PCDH15: variants seen among roughly 807,000 people sequenced by gnomAD.
PCDH15 encodes the protein protocadherin related 15.
Under a neutral mutation model 178.5 loss-of-function variants are expected in PCDH15, and 129 were observed. The ratio of observed to expected loss-of-function variants is 0.72; its 90% CI spans 0.63 to 0.84. The LOEUF is 0.84. Among genes scored for constraint, PCDH15 ranks in the 40% least tolerant of loss-of-function variants. The pLI is 0.00. For missense variants in PCDH15, 2,230 were observed against 2,099.9 expected, an observed-to-expected ratio of 1.06 and a Z score of -1.21; for synonymous variants, 800 against 732.0, an observed-to-expected ratio of 1.09 and a Z score of -1.50.
chr10:54,403,087 G>T (rs1952146459), intron 3 of PCDH15, among the ~76,000 whole-genome samples: 4 of 152,128 alleles, frequency 2.6e-5, no homozygotes, highest in Middle Eastern at 3.4e-3. Context: ...ATGCACAAAT[G>T]ATAAGAAAGC....
intron 1 of PCDH15, among the ~76,000 whole-genome samples, chr10:55,261,543 C>T (rs1041411131): frequency 2.0e-5 from 3 of 152,078 alleles, no homozygotes; most frequent in African/African-American, 7.2e-5. Flanking sequence ...AGAAAGCCAC[C>T]ACTGAAATGT....
chr10:55,329,721 T>A (rs1395261765), intron 2 of PCDH15, among the ~76,000 whole-genome samples: 1 of 151,750 alleles, frequency 6.6e-6, no homozygotes, highest in Non-Finnish European at 1.5e-5. Flanking sequence ...TTGTGTATAA[T>A]TTTGAGATGC....
chr10:54,067,957 T>A (rs537973151), intron 17 of PCDH15, among the ~76,000 whole-genome samples: 1 of 101,040 alleles, frequency 9.9e-6, no homozygotes, highest in African/African-American at 3.0e-5. Flanking sequence ...AGTCAAGTGA[T>A]TTTTTTTATT....
intron 2 of PCDH15, among the ~76,000 whole-genome samples, chr10:55,511,812 A>G (rs1362200226): frequency 6.6e-6 from 1 of 152,076 alleles, no homozygotes; most frequent in South Asian, 2.1e-4. Context: ...ATTATTATCT[A>G]GAGTAGACTG....
intron 2 of PCDH15, among the ~76,000 whole-genome samples, chr10:54,899,422 G>A (rs995998095): frequency 1.3e-5 from 2 of 151,824 alleles, no homozygotes; most frequent in African/African-American, 2.4e-5. Context: ...CACAGGAATG[G>A]TTTTATTTTT....
intron 13 of PCDH15, among the ~76,000 whole-genome samples, chr10:54,182,986 T>C (rs926783973): frequency 8.5e-6 from 1 of 117,352 alleles, no homozygotes; most frequent in African/African-American, 4.2e-5. Context: ...TGTTTTTGTT[T>C]TTGTTTTTTT....
chr10:54,580,548 T>A (rs2090939344), intron 2 of PCDH15, among the ~76,000 whole-genome samples: 1 of 152,022 alleles, frequency 6.6e-6, no homozygotes, highest in African/African-American at 2.4e-5. Flanking sequence ...CCAATTCTAC[T>A]GACACTATTA....
intron 2 of PCDH15, among the ~76,000 whole-genome samples, chr10:55,543,379 G>GTATA (rs5785142): frequency 0.05 from 7,402 of 146,856 alleles, 557 homozygotes; most frequent in African/African-American, 0.17. Context: ...TATAATGCCT[G>GTATA]TATATATATA....
intron 1 of PCDH15, among the ~76,000 whole-genome samples, chr10:54,714,686 T>C (rs757591528): frequency 1.3e-5 from 2 of 152,114 alleles, no homozygotes; most frequent in African/African-American, 2.4e-5. Context: ...GTTTGGGAAG[T>C]TAAGTTCTTC....
In PCDH15 at chr10:54,179,566, T is replaced by C. The variant is rs554599464; in HGVS notation, c.1590+3878A>G. On this transcript the variant is annotated intron_variant, in intron 13 of 37. Coordinates refer to ENST00000644397, the MANE Select transcript of PCDH15 (RefSeq NM_001384140.1). ...CACATGTACCCTAAAACTTAAAGTATAATAATAATAAAATAAAATTTAAAA... is the reference window on the plus strand; with the variant it reads ...CACATGTACCCTAAAACTTAAAGTACAATAATAATAAAATAAAATTTAAAA... 3.3e-5 allele frequency among the ~76,000 whole-genome samples: 5 copies of C among 152,076 alleles called. No homozygotes were observed. In the East Asian group the frequency reaches 7.7e-4, roughly 24 times the overall value.
chr10:55,327,147 C>T (rs1844052635), intron 2 of PCDH15, among the ~76,000 whole-genome samples: 1 of 151,966 alleles, frequency 6.6e-6, no homozygotes, highest in African/African-American at 2.4e-5. Context: ...AGAATTAGTG[C>T]CCCATAAACG....
At chr10:55,131,284 G>A (rs1430426048) in intron 2 of PCDH15, among the ~76,000 whole-genome samples, 1 of 152,132 alleles carries the variant, frequency 6.6e-6, no homozygotes, top group East Asian at 1.9e-4. Context: ...CTGCAATGAG[G>A]CAGGCAGCTT....
chr10:55,310,828 A>AAC (rs200165976), intron 1 of PCDH15, among the ~76,000 whole-genome samples: 4,132 of 152,278 alleles, frequency 0.027, 70 homozygotes, highest in Non-Finnish European at 0.043. Context: ...GAACAATGAG[A>AAC]ACACATGGAC....
At chr10:54,019,829 A>T (rs2092858023) in intron 20 of PCDH15, among the ~76,000 whole-genome samples, 1 of 151,960 alleles carries the variant, frequency 6.6e-6, no homozygotes, top group Admixed American at 6.6e-5. Flanking sequence ...AGAGTCATAT[A>T]TAAAATTTTT....
At chr10:55,252,235 T>A (rs1204397348) in intron 1 of PCDH15, among the ~76,000 whole-genome samples, 2 of 152,082 alleles carry the variant, frequency 1.3e-5, no homozygotes, top group Non-Finnish European at 2.9e-5. Flanking sequence ...AACATTCAGA[T>A]CCTGACAGAG....
At chr10:55,024,918 G>T (rs1335873427) in intron 2 of PCDH15, among the ~76,000 whole-genome samples, 1 of 151,918 alleles carries the variant, frequency 6.6e-6, no homozygotes, top group Non-Finnish European at 1.5e-5. Flanking sequence ...TCGTTCTCCA[G>T]GCTGTGGCAA....
chr10:55,599,878 C>G, intron 2 of PCDH15: 1 of 1,465,856 alleles, frequency 6.8e-7, no homozygotes, highest in South Asian at 1.3e-5. Flanking sequence ...ATCACTTGTT[C>G]CCTAAGTAGG....
chr10:55,606,345 C>T (rs1292885480), intron 2 of PCDH15, among the ~76,000 whole-genome samples: 1 of 138,728 alleles, frequency 7.2e-6, no homozygotes. Flanking sequence ...AGATTCAATG[C>T]CATCCCCATC....
chr10:54,076,329 TTCCAACATTTGTG>T (rs2094341642), intron 17 of PCDH15, among the ~76,000 whole-genome samples: 1 of 152,174 alleles, frequency 6.6e-6, no homozygotes, highest in Non-Finnish European at 1.5e-5. Flanking sequence ...AATTTCTTAG[TTCCAACATTTGTG>T]TATGTGTGTG....
Sources: gnomAD v4.1 joint callset for allele counts (sites outside exome capture counted in the v4.1 genomes callset) on GRCh38, gnomAD v4.1.1 for gene constraint, MANE v1.5 for transcripts, NCBI Gene and HGNC (gene_info 2026-07-23, HGNC 2026-07-21) for gene names.